Variants in PIEZO2 observed in about 807,000 individuals in gnomAD.
PIEZO2 encodes piezo type mechanosensitive ion channel component 2.
In PIEZO2, 172 loss-of-function variants were observed where a neutral mutation model predicts 337.3. That is an observed-to-expected ratio of 0.51 (90% CI 0.45 to 0.58). The LOEUF (loss-of-function observed/expected upper bound fraction) is 0.58. PIEZO2 is among the 20% of genes least tolerant of loss of function. The pLI is 0.00. For synonymous variants in PIEZO2, 1,251 were observed against 1,228.5 expected, an observed-to-expected ratio of 1.02 and a Z score of -0.38; for missense variants, 3,028 against 3,391.3, an observed-to-expected ratio of 0.89 and a Z score of 2.66.
At position 10,691,782 on chromosome 18, in the gene PIEZO2, C is replaced by CACACATATATATATATATATATATATAT; in HGVS notation, c.7191-400_7191-399insATATATATATATATATATATATATGTGT. On this transcript the variant is annotated intron_variant, in intron 47 of 55. Coordinates refer to ENST00000674853, the MANE Select transcript of PIEZO2 (RefSeq NM_001378183.1). The stretch of plus-strand genomic sequence containing the variant: ...AAATATATATAAACACACACACACA[C>CACACATATATATATATATATATATATAT]ATATATATATATATATATAGAGAGA... Among the ~76,000 whole-genome samples, 51 of 96,586 alleles carry CACACATATATATATATATATATATATAT rather than the reference C, an allele frequency of 5.3e-4. 3 individuals carry two copies. The highest frequency in any genetic ancestry group is 2.3e-3 in the African/African-American group (50 of 21,484). 63.4% of individuals were successfully genotyped at this position (96,586 alleles called of 152,430 possible).
intron 2 of PIEZO2, among the ~76,000 whole-genome samples, chr18:11,010,543 T>C (rs375543936): frequency 8.5e-5 from 13 of 152,336 alleles, no homozygotes; most frequent in South Asian, 2.1e-4. Flanking sequence ...GAAGTGCACC[T>C]GACTGAGTCA....
At position 10,797,606 on chromosome 18, in the gene PIEZO2, G is replaced by C; in HGVS notation, c.1379-84C>G. ...GTTCCAAGCAATGCAGCACATGTATGGTTTTGGTATAGCCTTTTATTTAAG... is the reference window on the plus strand; with the variant it reads ...GTTCCAAGCAATGCAGCACATGTATCGTTTTGGTATAGCCTTTTATTTAAG... On this transcript the variant is annotated intron_variant, in intron 11 of 55. Transcript: ENST00000674853. 2.0e-6 allele frequency: 3 copies of C among 1,491,592 alleles called. No homozygotes were observed. In the South Asian group the frequency reaches 4.0e-5, roughly 20 times the overall value. 92.4% of individuals were successfully genotyped at this position (1,491,592 alleles called of 1,614,324 possible).
intron 3 of PIEZO2, among the ~76,000 whole-genome samples, chr18:10,939,782 G>C (rs906391543): frequency 2.6e-5 from 4 of 152,158 alleles, no homozygotes; most frequent in African/African-American, 9.7e-5. Context: ...TAGGAGGCAA[G>C]GGGAGGGATA....
intron 7 of PIEZO2, among the ~76,000 whole-genome samples, chr18:10,839,236 AAAT>A (rs2041114267): frequency 6.6e-6 from 1 of 152,234 alleles, no homozygotes; most frequent in African/African-American, 2.4e-5. Flanking sequence ...TTCTCAGACA[AAAT>A]AATGTGATAT....
intron 2 of PIEZO2, among the ~76,000 whole-genome samples, chr18:10,984,916 A>G (rs920217803): frequency 1.3e-5 from 2 of 152,166 alleles, no homozygotes; most frequent in Non-Finnish European, 2.9e-5. Flanking sequence ...CTTACAGACC[A>G]GGAGAGAGTG....
In PIEZO2 at chr18:10,676,663, T is replaced by C. The variant is rs2034015964; in HGVS notation, c.8081+1084A>G. 6.6e-6 allele frequency among the ~76,000 whole-genome samples: 1 copy of C among 152,138 alleles called. No homozygotes were observed. The highest frequency in any genetic ancestry group is 2.1e-4 in the South Asian group (1 of 4,826). Reference sequence around the variant, plus strand: ...TGATTATGGTCAGATAAGAGCAAGGTTTGTCATCTAGAGATGAGATCAATA... The same window carrying C: ...TGATTATGGTCAGATAAGAGCAAGGCTTGTCATCTAGAGATGAGATCAATA... On this transcript the variant is annotated intron_variant, in intron 53 of 55. Transcript: ENST00000674853. The surrounding 1 kb of genome is among the most constrained non-coding windows in gnomAD (Gnocchi z 5.1).
intron 2 of PIEZO2, among the ~76,000 whole-genome samples, chr18:10,996,756 T>G (rs1214409267): frequency 1.3e-5 from 2 of 152,226 alleles, no homozygotes; most frequent in African/African-American, 2.4e-5. Context: ...GTTTAGCTAC[T>G]GCTGCTGTGA....
At chr18:11,136,143 G>T (rs147445831) in intron 1 of PIEZO2, among the ~76,000 whole-genome samples, 1 of 152,172 alleles carries the variant, frequency 6.6e-6, no homozygotes, top group Non-Finnish European at 1.5e-5. Context: ...TGACTTTAAC[G>T]TTTGAAAACA....
rs942719151 is a variant in PIEZO2 at position 10,846,720 on chromosome 18, A to G, written c.917+8633T>C. 6.6e-6 allele frequency among the ~76,000 whole-genome samples: 1 copy of G among 152,138 alleles called. No homozygotes were observed. The highest frequency in any genetic ancestry group is 1.9e-4 in the East Asian group (1 of 5,186). On this transcript the variant is annotated intron_variant, in intron 7 of 55. Coordinates refer to ENST00000674853, the MANE Select transcript of PIEZO2 (RefSeq NM_001378183.1). The surrounding 1 kb of genome is among the most constrained non-coding windows in gnomAD (Gnocchi z 4.1). ...TACAAGATAATTTTCCTTCCTTATA[A>G]AGGAAGATGGAAGGTTCTGGAAGGA...
intron 2 of PIEZO2, among the ~76,000 whole-genome samples, chr18:11,013,547 C>T (rs1440647165): frequency 2.0e-5 from 3 of 152,160 alleles, no homozygotes; most frequent in South Asian, 4.1e-4. Flanking sequence ...TCTATCAACT[C>T]AAATAACTAA....
chr18:10,715,819 AGGAG>A lies in PIEZO2; in HGVS notation c.5090-7_5090-4del. ...AAATATCCTCTTGATGATATTATCT[AGGAG>A]GAAGAAAGGCAACAAGATGTTAAAG... On this transcript the variant is annotated splice_polypyrimidine_tract_variant and splice_region_variant and intron_variant, in intron 37 of 55. Transcript: ENST00000674853. The A allele has an allele frequency of 6.6e-7, 1 of 1,517,602 alleles. No homozygotes were observed. Among genetic ancestry groups the A allele is most frequent in the Non-Finnish European group, 8.8e-7 (1 of 1,134,398 alleles). 94.0% of individuals were successfully genotyped at this position (1,517,602 alleles called of 1,614,324 possible).
At position 11,104,933 on chromosome 18, in the gene PIEZO2, G is replaced by T. The variant is rs1446677216; in HGVS notation, c.65-38711C>A. ...CCCCAGGTACAATGTTTGGTGCTGGGATCCCAGCAGGGCCACAGCGTGTCC... is the reference window on the plus strand; with the variant it reads ...CCCCAGGTACAATGTTTGGTGCTGGTATCCCAGCAGGGCCACAGCGTGTCC... On this transcript the variant is annotated intron_variant, in intron 1 of 55. Coordinates refer to ENST00000674853, the MANE Select transcript of PIEZO2 (RefSeq NM_001378183.1). The surrounding 1 kb of genome is among the most constrained non-coding windows in gnomAD (Gnocchi z 4.6). Among the ~76,000 whole-genome samples the T allele has an allele frequency of 1.3e-5, 2 of 152,116 alleles. No individual in the cohort carries two copies. The highest frequency in any genetic ancestry group is 2.9e-5 in the Non-Finnish European group (2 of 68,018).
At chr18:11,060,305 G>A (rs1405049921) in intron 2 of PIEZO2, among the ~76,000 whole-genome samples, 1 of 152,088 alleles carries the variant, frequency 6.6e-6, no homozygotes. Flanking sequence ...AGAGAAAGCA[G>A]GAAAGTTCTA....
At position 11,002,981 on chromosome 18, in the gene PIEZO2, G is replaced by A. The variant is rs1434234150; in HGVS notation, c.161-23321C>T. Among the ~76,000 whole-genome samples the A allele has an allele frequency of 7.2e-6, 1 of 139,616 alleles. No individual in the cohort carries two copies. Among genetic ancestry groups the A allele is most frequent in the Non-Finnish European group, 1.5e-5 (1 of 67,910 alleles). The allele number at this position is 139,616 out of a possible 152,430, so 91.6% of individuals were successfully genotyped here. A position where few individuals can be genotyped will look rare whatever the true frequency, so the allele number is the denominator to read the frequency against. On this transcript the variant is annotated intron_variant, in intron 2 of 55. Coordinates refer to ENST00000674853, the MANE Select transcript of PIEZO2 (RefSeq NM_001378183.1). The surrounding 1 kb of genome is among the most constrained non-coding windows in gnomAD (Gnocchi z 4.3). ...TCAAACAGAGGAAGTGAGGCAAGAG[G>A]CGCTCCTGCTACCAGAGGCTTCCTC...
chr18:10,697,875 T>G lies in PIEZO2; in HGVS notation c.6700A>C (p.Thr2234Pro), dbSNP rs763825028. 1.9e-6 allele frequency: 3 copies of G among 1,610,936 alleles called. No individual in the cohort carries two copies. Among genetic ancestry groups the G allele is most frequent in the Non-Finnish European group, 2.5e-6 (3 of 1,177,966 alleles). Residue 2234 changes from threonine to proline, a missense_variant, in exon 45 of 56, where the codon ACA (threonine) becomes CCA (proline). Thr to Pro is a conservative substitution (Grantham distance 38, BLOSUM62 -1). Coordinates refer to ENST00000674853, the MANE Select transcript of PIEZO2 (RefSeq NM_001378183.1). ...TTTTGACTGCTGTTTCGGGTGCTTG[T>G]GCTGCCTAGAAATAAAAAGAGATCA... The part of the protein sequence containing the change: ...FSSNRSQRGS[T>P]STRNSSQKGS...
rs1053435391 is a variant in PIEZO2, at chr18:11,038,882, T to A, written c.160+27245A>T. On this transcript the variant is annotated intron_variant, in intron 2 of 55. Coordinates refer to ENST00000674853, the MANE Select transcript of PIEZO2 (RefSeq NM_001378183.1). The surrounding 1 kb of genome is among the most constrained non-coding windows in gnomAD (Gnocchi z 4.1). Reference sequence around the variant, plus strand: ...CTTGAATTTTCCAATGTTTCCAACCTCTTTAAGATAAAAAAGAAGACAGTA... The same window carrying A: ...CTTGAATTTTCCAATGTTTCCAACCACTTTAAGATAAAAAAGAAGACAGTA... Among the ~76,000 whole-genome samples the A allele has an allele frequency of 2.0e-5, 3 of 152,182 alleles. No individual in the cohort carries two copies. Among genetic ancestry groups the A allele is most frequent in the African/African-American group, 7.2e-5 (3 of 41,444 alleles).
intron 28 of PIEZO2, among the ~76,000 whole-genome samples, chr18:10,751,924 A>AG (rs1313485392): frequency 6.6e-6 from 1 of 152,082 alleles, no homozygotes; most frequent in African/African-American, 2.4e-5. Flanking sequence ...ATGTCATGTT[A>AG]GGGGAAGAGT....
At position 10,671,235 on chromosome 18, in the gene PIEZO2, G is replaced by C. The variant is rs1490474454; in HGVS notation, c.*292C>G. Reference sequence around the variant, plus strand: ...CCTCTTCTGTTTCTCTTAGGGACGGGGCCCATAAATGATTCCTTCACATGA... The same window carrying C: ...CCTCTTCTGTTTCTCTTAGGGACGGCGCCCATAAATGATTCCTTCACATGA... On this transcript the variant is annotated 3_prime_UTR_variant, in exon 56 of 56. Coordinates refer to ENST00000674853, the MANE Select transcript of PIEZO2 (RefSeq NM_001378183.1). The C allele has an allele frequency of 3.9e-6, 1 of 256,732 alleles. No individual in the cohort carries two copies. The highest frequency in any genetic ancestry group is 2.3e-5 in the African/African-American group (1 of 44,024). 15.9% of individuals were successfully genotyped at this position (256,732 alleles called of 1,614,324 possible).
At chr18:10,809,467 A>G (rs1466832409) in intron 7 of PIEZO2, among the ~76,000 whole-genome samples, 1 of 151,276 alleles carries the variant, frequency 6.6e-6, no homozygotes, top group Admixed American at 6.6e-5. Flanking sequence ...ACGGGATTTA[A>G]CCATGTTGGC....
Sources: gnomAD v4.1 joint callset for allele counts (sites outside exome capture counted in the v4.1 genomes callset) on GRCh38, gnomAD v4.1.1 for gene constraint, Gnocchi (gnomAD v3.1) non-coding constraint, MANE v1.5 for transcripts, NCBI Gene and HGNC (gene_info 2026-07-23, HGNC 2026-07-21) for gene names.